Variants in SYNDIG1 observed in about 807,000 individuals in gnomAD.
SYNDIG1 encodes the protein synapse differentiation-inducing gene protein 1.
A neutral mutation model predicts 19.4 loss-of-function variants in SYNDIG1; 9 were observed. The ratio of observed to expected loss-of-function variants is 0.46; its 90% CI spans 0.28 to 0.81. The LOEUF (loss-of-function observed/expected upper bound fraction) is 0.81, where lower values mean the gene tolerates loss of function less well. Ranked by LOEUF, SYNDIG1 falls within the 30% of genes least tolerant of loss-of-function variation. The pLI is 0.12. For synonymous variants in SYNDIG1, 141 were observed against 145.9 expected (o/e 0.97, Z 0.24); for missense variants, 311 against 343.3 (o/e 0.91, Z 0.74).
intron 1 of SYNDIG1, among the ~76,000 whole-genome samples, chr20:24,487,191 CTTAA>C: frequency 6.6e-6 from 1 of 152,218 alleles, no homozygotes; most frequent in African/African-American, 2.4e-5. Context: ...TTTAATTTGC[CTTAA>C]GTAAACTTAT....
intron 2 of SYNDIG1, among the ~76,000 whole-genome samples, chr20:24,570,952 A>G (rs1357919595): frequency 1.3e-5 from 2 of 152,206 alleles, no homozygotes; most frequent in African/African-American, 2.4e-5. Context: ...AGGAAAAAAA[A>G]TGAATGAACT....
At chr20:24,538,819 C>A (rs2057412157) in intron 1 of SYNDIG1, among the ~76,000 whole-genome samples, 1 of 151,400 alleles carries the variant, frequency 6.6e-6, no homozygotes, top group South Asian at 2.1e-4. Context: ...GAGGTCATAT[C>A]TCATATGTAG....
chr20:24,545,521 C>A (rs2057558987), intron 2 of SYNDIG1, among the ~76,000 whole-genome samples: 1 of 152,166 alleles, frequency 6.6e-6, no homozygotes, highest in Non-Finnish European at 1.5e-5. Flanking sequence ...AATACCCCAT[C>A]AGCTCTGAAG....
intron 3 of SYNDIG1, among the ~76,000 whole-genome samples, chr20:24,636,637 G>A (rs539314803): frequency 6.6e-6 from 1 of 152,316 alleles, no homozygotes; most frequent in South Asian, 2.1e-4. Context: ...GACAAGGAAA[G>A]GAGATGATGG....
intron 3 of SYNDIG1, among the ~76,000 whole-genome samples, chr20:24,617,009 G>T (rs940362908): frequency 1.3e-5 from 2 of 152,130 alleles, no homozygotes; most frequent in East Asian, 1.9e-4. Flanking sequence ...GGAGGTATCT[G>T]CCCGCTTCCA....
intron 1 of SYNDIG1, among the ~76,000 whole-genome samples, chr20:24,483,002 A>G (rs1419032696): frequency 6.6e-6 from 1 of 152,252 alleles, no homozygotes; most frequent in Non-Finnish European, 1.5e-5. Flanking sequence ...GAATTCATAA[A>G]TATGTGTTGT....
rs554768611 is a variant in SYNDIG1 at position 24,637,542 on chromosome 20, G to A, written c.619-27804G>A. Reference sequence around the variant, plus strand: ...CCTAGAAAACCCCAGCAAAATGTGGGCTCTCCAGACTTCTGCCACAGAGAA... The same window carrying A: ...CCTAGAAAACCCCAGCAAAATGTGGACTCTCCAGACTTCTGCCACAGAGAA... On this transcript the variant is annotated intron_variant, in intron 3 of 3. Transcript: ENST00000376862. Among the ~76,000 whole-genome samples, 12 of 152,264 alleles carry A rather than the reference G, an allele frequency of 7.9e-5. No homozygotes were observed. The East Asian group carries it at 1.4e-3, about 17-fold the overall frequency.
chr20:24,607,636 C>T (rs2058778182), intron 3 of SYNDIG1, among the ~76,000 whole-genome samples: 1 of 152,214 alleles, frequency 6.6e-6, no homozygotes, highest in South Asian at 2.1e-4. Context: ...TCCCCCTCTC[C>T]CTGCTTCAAG....
At chr20:24,537,843 T>C (rs1189397094) in intron 1 of SYNDIG1, among the ~76,000 whole-genome samples, 2 of 152,110 alleles carry the variant, frequency 1.3e-5, no homozygotes, top group African/African-American at 4.8e-5. Flanking sequence ...TCTGCTGTCA[T>C]CTGTGGTTCC....
intron 2 of SYNDIG1, among the ~76,000 whole-genome samples, chr20:24,580,306 C>T (rs1487300380): frequency 1.3e-5 from 2 of 152,120 alleles, no homozygotes; most frequent in African/African-American, 2.4e-5. Context: ...TGGCATGATG[C>T]CCACAACCAT....
At chr20:24,539,603 G>C (rs1373414038) in intron 1 of SYNDIG1, among the ~76,000 whole-genome samples, 1 of 152,116 alleles carries the variant, frequency 6.6e-6, no homozygotes, top group Non-Finnish European at 1.5e-5. Flanking sequence ...GGGTTTTTCT[G>C]TTTCTGCAGA....
chr20:24,579,399 G>A (rs78575834), intron 2 of SYNDIG1, among the ~76,000 whole-genome samples: 64 of 152,318 alleles, frequency 4.2e-4, no homozygotes, highest in African/African-American at 1.5e-3. Context: ...TGTCTGGTTG[G>A]ATGCAGCCTT....
chr20:24,640,167 C>G (rs2147334296), intron 3 of SYNDIG1, among the ~76,000 whole-genome samples: 2 of 152,102 alleles, frequency 1.3e-5, no homozygotes, highest in Middle Eastern at 6.8e-3. Flanking sequence ...AACCCCATCT[C>G]TACAAAAAAC....
chr20:24,479,702 C>T (rs751997022), intron 1 of SYNDIG1, among the ~76,000 whole-genome samples: 2 of 152,214 alleles, frequency 1.3e-5, no homozygotes, highest in African/African-American at 4.8e-5. Context: ...ATCTCAGTAC[C>T]GTCCTGCAAG....
Position 24,607,382 on chromosome 20 carries a change from T to C in SYNDIG1, c.618+22389T>C, listed in dbSNP as rs910809589. Among the ~76,000 whole-genome samples, 4 of 139,054 alleles carry C rather than the reference T, an allele frequency of 2.9e-5. No individual in the cohort carries two copies. In the East Asian group the frequency reaches 8.4e-4, roughly 29 times the overall value. The allele number at this position is 139,054 out of a possible 152,430, so 91.2% of individuals were successfully genotyped here. On this transcript the variant is annotated intron_variant, in intron 3 of 3. Coordinates refer to ENST00000376862, the MANE Select transcript of SYNDIG1 (RefSeq NM_024893.3). ...TCTCAAAAAAAAAAAAAAAAAAGAA[T>C]AAAGAAAAGAAAGAAAACTCCACCT...
intron 3 of SYNDIG1, among the ~76,000 whole-genome samples, chr20:24,605,046 T>C (rs1233369100): frequency 6.6e-6 from 1 of 152,118 alleles, no homozygotes; most frequent in Non-Finnish European, 1.5e-5. Context: ...TCCAAGGTCA[T>C]GGGCAGGTAG....
intron 2 of SYNDIG1, among the ~76,000 whole-genome samples, chr20:24,557,139 C>T (rs1600617639): frequency 6.6e-6 from 1 of 152,174 alleles, no homozygotes; most frequent in South Asian, 2.1e-4. Context: ...GTTCTCGAGC[C>T]TTGGCTTTCA....
intron 2 of SYNDIG1, among the ~76,000 whole-genome samples, chr20:24,554,261 T>G (rs537466512): frequency 1.2e-3 from 180 of 152,292 alleles, no homozygotes; most frequent in African/African-American, 4.2e-3. Flanking sequence ...ACAGGGACAA[T>G]TTGACTTCCT....
chr20:24,534,111 G>A (rs922873786), intron 1 of SYNDIG1, among the ~76,000 whole-genome samples: 5 of 152,128 alleles, frequency 3.3e-5, no homozygotes, highest in African/African-American at 4.8e-5. Context: ...CAGCTCTTAC[G>A]AGAGCTTATT....
Sources: gnomAD v4.1 joint callset for allele counts (sites outside exome capture counted in the v4.1 genomes callset) on GRCh38, gnomAD v4.1.1 for gene constraint, MANE v1.5 for transcripts, NCBI Gene and HGNC (gene_info 2026-07-23, HGNC 2026-07-21) for gene names.